The following CD34 variants were observed in gnomAD, a reference collection of about 807,000 sequenced individuals.
CD34 encodes hematopoietic progenitor cell antigen CD34.
In CD34, 34 loss-of-function variants were observed where a neutral mutation model predicts 40.1. The ratio of observed to expected loss-of-function variants is 0.85; its 90% CI spans 0.65 to 1.13. The LOEUF (loss-of-function observed/expected upper bound fraction) is 1.13, where lower values mean the gene tolerates loss of function less well. Among genes scored for constraint, CD34 ranks in the 50% most tolerant of loss-of-function variants. CD34 has a pLI of 0.00. For missense variants in CD34, 426 were observed against 466.9 expected (o/e 0.91, Z 0.81); for synonymous variants, 209 against 190.0 (o/e 1.10, Z -0.82).
At chr1:207,895,695 G>T (rs1420308519) in intron 4 of CD34, among the ~76,000 whole-genome samples, 1 of 152,208 alleles carries the variant, frequency 6.6e-6, no homozygotes, top group East Asian at 1.9e-4. Context: ...GAAAGGCAAA[G>T]GCTCTGCAGT....
At chr1:207,910,827 G>A (rs59017632) in intron 1 of CD34, among the ~76,000 whole-genome samples, 175 bp downstream of exon 1, 7,852 of 151,108 alleles carry the variant, frequency 0.052, 345 homozygotes, top group African/African-American at 0.12. Flanking sequence ...TCCCACCCCC[G>A]TCAGCTCCCA....
In CD34 at chr1:207,895,453, T is replaced by A. The variant is rs142703022; in HGVS notation, c.597+2040A>T. On this transcript the variant is annotated intron_variant, in intron 4 of 7. Transcript: ENST00000310833. ...TATGAAGGGGCAGTGTGGATGGAAGTCTTCTTTGGCATAGGAACTGGAGGG... is the reference window on the plus strand; with the variant it reads ...TATGAAGGGGCAGTGTGGATGGAAGACTTCTTTGGCATAGGAACTGGAGGG... 3.2e-4 allele frequency among the ~76,000 whole-genome samples: 49 copies of A among 152,254 alleles called. No homozygotes were observed. In the East Asian group the frequency reaches 5.6e-3, roughly 17 times the overall value.
At chr1:207,910,948 C>T (rs1277609558) in intron 1 of CD34, 54 bp downstream of exon 1, 3 of 1,512,362 alleles carry the variant, frequency 2.0e-6, no homozygotes, top group Admixed American at 2.0e-5. Context: ...CCCAGAAAGC[C>T]TCCACCCTCC....
At chr1:207,889,965 A>G (rs1184407602) in intron 4 of CD34, 1 of 1,459,856 alleles carries the variant, frequency 6.8e-7, no homozygotes, top group African/African-American at 1.5e-5. Flanking sequence ...TAATAATGCA[A>G]TAATAACTAA....
intron 4 of CD34, among the ~76,000 whole-genome samples, chr1:207,895,118 A>T (rs1662121972): frequency 6.6e-6 from 1 of 152,216 alleles, no homozygotes. Context: ...AGGCCCTCTG[A>T]CACCGAAAGT....
chr1:207,891,828 C>A (rs754130929), intron 4 of CD34, among the ~76,000 whole-genome samples: 3 of 151,062 alleles, frequency 2.0e-5, no homozygotes, highest in Non-Finnish European at 4.4e-5. Context: ...ACTCCAGAGG[C>A]CAGAGCTACT....
At chr1:207,893,728 C>T (rs769286799) in intron 4 of CD34, among the ~76,000 whole-genome samples, 2 of 152,134 alleles carry the variant, frequency 1.3e-5, no homozygotes, top group Non-Finnish European at 2.9e-5. Context: ...AGATGTGGTA[C>T]TAAAGATAGG....
At chr1:207,900,749 T>C (rs950399120) in intron 1 of CD34, among the ~76,000 whole-genome samples, 2 of 152,214 alleles carry the variant, frequency 1.3e-5, no homozygotes, top group African/African-American at 4.8e-5. Flanking sequence ...AGTGGGAAGG[T>C]AGACAAGCTT....
rs1320406644 is a variant in CD34, at chr1:207,884,971, A to G, written c.*2767T>C. 6.6e-6 allele frequency: 1 copy of G among 152,180 alleles called. No homozygotes were observed. The highest frequency in any genetic ancestry group is 2.4e-5 in the African/African-American group (1 of 41,442). 9.4% of individuals were successfully genotyped at this position (152,180 alleles called of 1,614,324 possible). ...GAGGACTCGGCAGAAGAGTAGGATGATATGATGGAAGGGAAAACTACAGAT... is the reference window on the plus strand; with the variant it reads ...GAGGACTCGGCAGAAGAGTAGGATGGTATGATGGAAGGGAAAACTACAGAT... On this transcript the variant is annotated 3_prime_UTR_variant, in exon 8 of 8. Coordinates refer to ENST00000310833, the MANE Select transcript of CD34 (RefSeq NM_001025109.2).
At position 207,882,869 on chromosome 1, in the gene CD34, TC is replaced by T. The variant is rs1661832499; in HGVS notation, c.*4868del. On this transcript the variant is annotated 3_prime_UTR_variant, in exon 8 of 8. Coordinates refer to ENST00000310833, the MANE Select transcript of CD34 (RefSeq NM_001025109.2). Reference sequence around the variant, plus strand: ...TGGTCTTCCACGGCTTCCATGCCCCTCCCACTCAGAGCTTCCTATACCATAG... The same window carrying T: ...TGGTCTTCCACGGCTTCCATGCCCCTCCACTCAGAGCTTCCTATACCATAG... 1 of 152,120 alleles carries T rather than the reference TC, an allele frequency of 6.6e-6. No homozygotes were observed. Among genetic ancestry groups the T allele is most frequent in the Non-Finnish European group, 1.5e-5 (1 of 68,080 alleles). 9.4% of individuals were successfully genotyped at this position (152,120 alleles called of 1,614,324 possible). A position where few individuals can be genotyped will look rare whatever the true frequency, so the allele number is the denominator to read the frequency against.
At chr1:207,904,030 C>T (rs935798461) in intron 1 of CD34, among the ~76,000 whole-genome samples, 2 of 152,180 alleles carry the variant, frequency 1.3e-5, no homozygotes, top group African/African-American at 2.4e-5. Flanking sequence ...ATGTGCAATA[C>T]ATTTTGAAAA....
intron 4 of CD34, among the ~76,000 whole-genome samples, chr1:207,894,899 A>T (rs1662117994): frequency 6.6e-6 from 1 of 152,198 alleles, no homozygotes; most frequent in South Asian, 2.1e-4. Context: ...AGGGTGAGCT[A>T]ACATATTGGT....
intron 1 of CD34, among the ~76,000 whole-genome samples, chr1:207,905,667 A>C (rs1029251713): frequency 1.3e-5 from 2 of 152,204 alleles, no homozygotes; most frequent in Non-Finnish European, 2.9e-5. Context: ...AGAAATTCTA[A>C]AATACTCCAA....
intron 1 of CD34, among the ~76,000 whole-genome samples, chr1:207,910,549 C>A (rs1281197606): frequency 6.6e-6 from 1 of 152,172 alleles, no homozygotes; most frequent in South Asian, 2.1e-4. Context: ...CTCCCAGTCC[C>A]TGTGCAAGGT....
At position 207,911,011 on chromosome 1, in the gene CD34, T is replaced by C. The variant is rs1433180077; in HGVS notation, c.70A>G (p.Ser24Gly). 1 of 1,589,800 alleles carries C rather than the reference T, an allele frequency of 6.3e-7. No individual in the cohort carries two copies. The highest frequency in any genetic ancestry group is 8.5e-7 in the Non-Finnish European group (1 of 1,171,158). The part of the protein sequence containing the change: ...PRGWTALCLL[S>G]LLPSGFMSLD... Reference sequence around the variant, plus strand: ...CGCGGGCGGTACTCACGCAGCAAACTCAGCAAGCAAAGCGCGGTCCAGCCC... The same window carrying C: ...CGCGGGCGGTACTCACGCAGCAAACCCAGCAAGCAAAGCGCGGTCCAGCCC... Residue 24 changes from serine (S) to glycine (G), a missense_variant, in exon 1 of 8, where the codon AGT becomes GGT. Transcript: ENST00000310833.
intron 3 of CD34, among the ~76,000 whole-genome samples, chr1:207,898,605 G>A (rs1390366269): frequency 6.6e-6 from 1 of 152,194 alleles, no homozygotes; most frequent in Non-Finnish European, 1.5e-5. Flanking sequence ...CATTGTGGGA[G>A]AAGCAGCCCC....
chr1:207,896,972 A>T (rs1314459419), intron 4 of CD34, among the ~76,000 whole-genome samples: 1 of 152,180 alleles, frequency 6.6e-6, no homozygotes. Flanking sequence ...CAGAAGAGGG[A>T]GTCATTCAAC....
chr1:207,887,671 G>C lies in CD34; in HGVS notation c.*67C>G. 1 of 1,596,332 alleles carries C rather than the reference G, an allele frequency of 6.3e-7. No homozygotes were observed. The stretch of plus-strand genomic sequence containing the variant: ...AGATGTCACCTCCAGCATGGGGGTA[G>C]CACGTGGTCAGATGCAGAGAGGGGT... On this transcript the variant is annotated 3_prime_UTR_variant, in exon 8 of 8. Coordinates refer to ENST00000310833, the MANE Select transcript of CD34 (RefSeq NM_001025109.2).
In CD34 at chr1:207,881,778, T is replaced by C. The variant is rs908269597; in HGVS notation, c.*5960A>G. On this transcript the variant is annotated 3_prime_UTR_variant, in exon 8 of 8. Coordinates refer to ENST00000310833, the MANE Select transcript of CD34 (RefSeq NM_001025109.2). ...CTAATTGTTTTTGTTTTGGAAAATA[T>C]AATTATTTTTCATTAAGAAAAGCAT... 8.5e-5 allele frequency: 13 copies of C among 152,140 alleles called. 1 individual carries two copies. The South Asian group carries it at 2.5e-3, about 29-fold the overall frequency. The allele number at this position is 152,140 out of a possible 1,614,324, so 9.4% of individuals were successfully genotyped here.
Sources: gnomAD v4.1 joint callset for allele counts (sites outside exome capture counted in the v4.1 genomes callset) on GRCh38, gnomAD v4.1.1 for gene constraint, MANE v1.5 for transcripts, NCBI Gene and HGNC (gene_info 2026-07-23, HGNC 2026-07-21) for gene names.